The following TENM1 variants were observed in gnomAD, a reference collection of about 807,000 sequenced individuals.
The protein encoded by TENM1 is teneurin-1.
Under a neutral mutation model 174.8 loss-of-function variants are expected in TENM1, and 35 were observed. That is an observed-to-expected ratio of 0.20 (90% CI 0.15 to 0.27). TENM1 has a LOEUF of 0.27. TENM1 is among the 10% of genes least tolerant of loss of function. TENM1 has a pLI of 1.00. For synonymous variants in TENM1, 781 were observed against 798.7 expected, an observed-to-expected ratio of 0.98 and a Z score of 0.37; for missense variants, 1,633 against 2,130.1, an observed-to-expected ratio of 0.77 and a Z score of 4.59.
intron 3 of TENM1, among the ~76,000 whole-genome samples, chrX:124,870,226 T>C (rs1199394625): frequency 8.9e-6 from 1 of 111,938 alleles, no homozygotes; most frequent in African/African-American, 3.2e-5. Flanking sequence ...AAAAGTTACA[T>C]TCTATATTCA....
At chrX:124,477,162 G>T (rs909667927) in intron 22 of TENM1, among the ~76,000 whole-genome samples, 4 of 108,112 alleles carry the variant, frequency 3.7e-5, no homozygotes, top group African/African-American at 1.5e-4. Flanking sequence ...AAGATTTCCT[G>T]CCTGTGTCCC....
chrX:125,071,444 C>T, the TENM1 span, among the ~76,000 whole-genome samples: 1 of 111,629 alleles, frequency 9.0e-6, no homozygotes, highest in South Asian at 3.7e-4. Context: ...GAACTTGAGA[C>T]TCTGAAAAAA....
intron 6 of TENM1, among the ~76,000 whole-genome samples, chrX:124,669,374 G>A (rs73543985): frequency 0.011 from 1,219 of 111,343 alleles, 15 homozygotes; most frequent in African/African-American, 0.038. Context: ...AACAATTTAG[G>A]AAGAATGGTC....
At chrX:125,070,586 G>A in the TENM1 span, among the ~76,000 whole-genome samples, 547 of 111,633 alleles carry the variant, frequency 4.9e-3, 7 homozygotes, top group Non-Finnish European at 6.2e-3. Flanking sequence ...TTAGATCCAA[G>A]GAGGACATGT....
chrX:124,680,631 G>A (rs1159454786), intron 5 of TENM1, among the ~76,000 whole-genome samples: 1 of 111,325 alleles, frequency 9.0e-6, no homozygotes, highest in African/African-American at 3.3e-5. Context: ...TTGCTTTGTG[G>A]AGTCAGGAAG....
intron 26 of TENM1, 117 bp from the exon 30 acceptor site, chrX:124,405,383 G>A: frequency 1.9e-6 from 1 of 534,763 alleles, no homozygotes; most frequent in Non-Finnish European, 3.1e-6. Context: ...GGGGTGCTGT[G>A]GTCCTATCTG....
chrX:125,047,776 T>G, the TENM1 span, among the ~76,000 whole-genome samples: 1 of 111,610 alleles, frequency 9.0e-6, no homozygotes, highest in East Asian at 2.8e-4. Context: ...CCAACTCCAA[T>G]CCAAAAATTC....
chrX:125,158,273 C>T, the TENM1 span, among the ~76,000 whole-genome samples: 5 of 108,145 alleles, frequency 4.6e-5, no homozygotes, highest in African/African-American at 1.7e-4. Flanking sequence ...CATGGTGGTG[C>T]ATGCCTGTAG....
intron 5 of TENM1, among the ~76,000 whole-genome samples, chrX:124,681,868 A>G (rs957358989): frequency 8.9e-6 from 1 of 112,022 alleles, no homozygotes; most frequent in African/African-American, 3.2e-5. Context: ...GTTAGCAATC[A>G]TTATTAAGCC....
At chrX:124,937,599 CAAT>C (rs763617477) in intron 1 of TENM1, among the ~76,000 whole-genome samples, 236 of 111,843 alleles carry the variant, frequency 2.1e-3, no homozygotes, top group Non-Finnish European at 3.8e-3. Context: ...AAAAGTCTGT[CAAT>C]GATGATGGAC....
At chrX:125,096,229 C>T in the TENM1 span, among the ~76,000 whole-genome samples, 3 of 111,823 alleles carry the variant, frequency 2.7e-5, no homozygotes, top group East Asian at 5.6e-4. Context: ...AATGTAAAAA[C>T]GAAGACCAAT....
At chrX:124,802,134 T>C (rs187004945) in intron 3 of TENM1, among the ~76,000 whole-genome samples, 1 of 111,865 alleles carries the variant, frequency 8.9e-6, no homozygotes, top group East Asian at 2.8e-4. Flanking sequence ...TCATCCTCCT[T>C]CCAGTTCTGT....
chrX:124,957,721 G>T (rs981582462), intron 1 of TENM1, among the ~76,000 whole-genome samples: 6 of 111,145 alleles, frequency 5.4e-5, no homozygotes, highest in Non-Finnish European at 1.1e-4. Context: ...AAAAAGAAGC[G>T]TTAAAAGAAC....
chrX:124,656,152 C>T (rs2051437005), intron 6 of TENM1, among the ~76,000 whole-genome samples: 1 of 112,525 alleles, frequency 8.9e-6, no homozygotes, highest in Non-Finnish European at 1.9e-5. Flanking sequence ...TAAGAATAGA[C>T]TTTAATGAAT....
chrX:124,392,995 T>C (rs972603784), intron 27 of TENM1, among the ~76,000 whole-genome samples: 4 of 111,850 alleles, frequency 3.6e-5, no homozygotes, highest in Non-Finnish European at 7.5e-5. Flanking sequence ...CACCACTAAC[T>C]GTGGTTAAAG....
chrX:124,617,386 G>T (rs1036126817), intron 11 of TENM1, among the ~76,000 whole-genome samples: 2 of 111,789 alleles, frequency 1.8e-5, no homozygotes, highest in Non-Finnish European at 3.8e-5. Context: ...GTTTATTTTT[G>T]AGGTAACTGG....
At chrX:124,713,733 T>C (rs2053116416) in intron 4 of TENM1, among the ~76,000 whole-genome samples, 2 of 112,244 alleles carry the variant, frequency 1.8e-5, no homozygotes, top group South Asian at 7.4e-4. Context: ...AGGTATTCGA[T>C]GAATACATAT....
chrX:124,442,461 C>G (rs1389163637), intron 23 of TENM1, among the ~76,000 whole-genome samples: 1 of 111,284 alleles, frequency 9.0e-6, no homozygotes, highest in Non-Finnish European at 1.9e-5. Context: ...TTTCAGTGTG[C>G]ACATGGGAGA....
At chrX:124,686,552 C>T (rs2052369489) in intron 5 of TENM1, among the ~76,000 whole-genome samples, 1 of 111,933 alleles carries the variant, frequency 8.9e-6, no homozygotes, top group Non-Finnish European at 1.9e-5. Context: ...TCCAGCAGCA[C>T]ATCAAAAAGC....
Sources: allele counts gnomAD v4.1 joint callset (sites outside exome capture counted in the v4.1 genomes callset), GRCh38; gene constraint gnomAD v4.1.1; transcripts MANE v1.5; gene names NCBI Gene and HGNC (gene_info 2026-07-23, HGNC 2026-07-21).